LIN52: variants seen among roughly 807,000 people sequenced by gnomAD.
LIN52 encodes the protein lin-52 DREAM MuvB core complex component, also known as protein lin-52 homolog.
Under a neutral mutation model 18.5 loss-of-function variants are expected in LIN52, and 4 were observed. That is an observed-to-expected ratio of 0.22 (90% confidence interval 0.11 to 0.49). LIN52 has a LOEUF of 0.49. Ranked by LOEUF, LIN52 falls within the 20% of genes least tolerant of loss-of-function variation. The pLI is 0.97. For missense variants in LIN52, 102 were observed against 139.5 expected (o/e 0.73, Z 1.35); for synonymous variants, 34 against 45.5 (o/e 0.75, Z 1.02).
intron 5 of LIN52, among the ~76,000 whole-genome samples, chr14:74,132,732 C>G (rs2061075439): frequency 6.6e-6 from 1 of 152,150 alleles, no homozygotes; most frequent in Non-Finnish European, 1.5e-5. Context: ...TGGTCTCGAT[C>G]TTTTGACCTC....
chr14:74,141,700 C>T (rs1169532811), intron 5 of LIN52, among the ~76,000 whole-genome samples: 3 of 152,154 alleles, frequency 2.0e-5, no homozygotes, highest in Non-Finnish European at 4.4e-5. Context: ...TAGTGATATG[C>T]ACCCCACTGT....
At position 74,084,982 on chromosome 14, in the gene LIN52, C is replaced by T. The variant is rs976450184; in HGVS notation, c.8C>T (p.Ser3Phe). Residue 3 changes from serine (S) to phenylalanine (F), a missense_variant, in exon 1 of 6, where the codon TCT (serine) becomes TTT (phenylalanine). By Grantham distance (155) the Ser-to-Phe change is radical. Transcript: ENST00000555028. The part of the protein sequence containing the change: MA[S>F]PTDGTDLEAS... ...CGTGACATGGGTTGGAAGATGGCGTCTCCCACAGACGGTAAGAGCCGGCTT... is the reference window on the plus strand; with the variant it reads ...CGTGACATGGGTTGGAAGATGGCGTTTCCCACAGACGGTAAGAGCCGGCTT... 4.9e-6 allele frequency: 7 copies of T among 1,426,876 alleles called. No individual in the cohort carries two copies. The highest frequency in any genetic ancestry group is 1.9e-4 in the Middle Eastern group (1 of 5,274). The allele number at this position is 1,426,876 out of a possible 1,614,324, so 88.4% of individuals were successfully genotyped here. A position where few individuals can be genotyped will look rare whatever the true frequency, so the allele number is the denominator to read the frequency against.
At chr14:74,156,151 C>T (rs529053208) in intron 5 of LIN52, among the ~76,000 whole-genome samples, 1 of 152,200 alleles carries the variant, frequency 6.6e-6, no homozygotes, top group Admixed American at 6.5e-5. Flanking sequence ...TTGCTTTGTC[C>T]TCCTATTTTA....
intron 5 of LIN52, among the ~76,000 whole-genome samples, chr14:74,109,932 G>C (rs1205050774): frequency 2.0e-5 from 3 of 152,240 alleles, no homozygotes; most frequent in Non-Finnish European, 4.4e-5. Flanking sequence ...CATTCTGACT[G>C]CCTTTAAATT....
intron 5 of LIN52, among the ~76,000 whole-genome samples, chr14:74,188,735 G>A (rs770051083): frequency 6.6e-6 from 1 of 152,168 alleles, no homozygotes; most frequent in Non-Finnish European, 1.5e-5. Context: ...AGACAGGAGT[G>A]AGAGAAATTA....
intron 1 of LIN52, among the ~76,000 whole-genome samples, chr14:74,088,510 A>G (rs998346541): frequency 6.6e-5 from 10 of 152,212 alleles, no homozygotes; most frequent in African/African-American, 2.2e-4. Flanking sequence ...GACATGAGCC[A>G]CTGTACCTGG....
In LIN52 at chr14:74,157,002, T is replaced by G. The variant is rs373741352; in HGVS notation, c.284-41920T>G. On this transcript the variant is annotated intron_variant, in intron 5 of 5. Transcript: ENST00000555028. Reference sequence around the variant, plus strand: ...CATTCTTTTGTATGGCTAAGTAGTATTTCATTATGTATGTATACCATATTT... The same window carrying G: ...CATTCTTTTGTATGGCTAAGTAGTAGTTCATTATGTATGTATACCATATTT... 3.5e-4 allele frequency among the ~76,000 whole-genome samples: 53 copies of G among 152,052 alleles called. No homozygotes were observed. In the East Asian group the frequency reaches 4.8e-3, roughly 14 times the overall value.
At chr14:74,153,171 T>C (rs1231200164) in intron 5 of LIN52, among the ~76,000 whole-genome samples, 1 of 152,152 alleles carries the variant, frequency 6.6e-6, no homozygotes, top group East Asian at 1.9e-4. Context: ...CCAGAGCACA[T>C]GCAGATTGTT....
intron 5 of LIN52, among the ~76,000 whole-genome samples, chr14:74,172,927 CA>C (rs1417135735): frequency 1.3e-5 from 2 of 151,804 alleles, no homozygotes; most frequent in African/African-American, 2.4e-5. Flanking sequence ...ATTGTGAATG[CA>C]AAAAAGTTGA....
chr14:74,123,294 A>T (rs965005416), intron 5 of LIN52, among the ~76,000 whole-genome samples: 4 of 152,222 alleles, frequency 2.6e-5, no homozygotes, highest in African/African-American at 7.2e-5. Flanking sequence ...TTACTGGAGC[A>T]TAAAGGATGG....
chr14:74,192,969 C>T (rs1356873193), intron 5 of LIN52: 1 of 153,614 alleles, frequency 6.5e-6, no homozygotes, highest in Non-Finnish European at 1.4e-5. Flanking sequence ...CTTTCTCATT[C>T]CTTTACTGTG....
chr14:74,182,101 C>G (rs986348882), intron 5 of LIN52, among the ~76,000 whole-genome samples: 3 of 152,212 alleles, frequency 2.0e-5, no homozygotes, highest in Admixed American at 2.0e-4. Context: ...ACTTCTGCCT[C>G]CCAGGCTCAA....
chr14:74,142,449 TG>T (rs1420809401), intron 5 of LIN52, among the ~76,000 whole-genome samples: 1 of 152,198 alleles, frequency 6.6e-6, no homozygotes, highest in East Asian at 1.9e-4. Context: ...ATTAGATTCA[TG>T]GGATGTAGGT....
chr14:74,088,611 G>A (rs924531714), intron 1 of LIN52, among the ~76,000 whole-genome samples: 10 of 152,188 alleles, frequency 6.6e-5, no homozygotes, highest in African/African-American at 2.2e-4. Flanking sequence ...TTAAGGCAAT[G>A]TATTAGTTGA....
At chr14:74,179,582 G>A (rs2061308356) in intron 5 of LIN52, among the ~76,000 whole-genome samples, 1 of 151,504 alleles carries the variant, frequency 6.6e-6, no homozygotes, top group African/African-American at 2.4e-5. Context: ...CTTGAACCCG[G>A]GAGGTGGAGG....
intron 5 of LIN52, among the ~76,000 whole-genome samples, chr14:74,101,672 G>T (rs2060857304): frequency 6.6e-6 from 1 of 152,062 alleles, no homozygotes; most frequent in East Asian, 1.9e-4. Context: ...GTTTTAGCCG[G>T]GATGGTCTCG....
chr14:74,165,513 C>CTTTTTCTTTTTT (rs1555384154), intron 5 of LIN52, among the ~76,000 whole-genome samples: 5 of 110,262 alleles, frequency 4.5e-5, no homozygotes, highest in Non-Finnish European at 7.1e-5. Context: ...GTTTTCTTTT[C>CTTTTTCTTTTTT]TTTTTTTTTT....
chr14:74,095,107 G>A (rs1420405604), intron 2 of LIN52, among the ~76,000 whole-genome samples: 2 of 148,972 alleles, frequency 1.3e-5, no homozygotes, highest in African/African-American at 2.5e-5. Context: ...AGCCTCCTAA[G>A]TAGCTAGGAC....
chr14:74,130,080 A>C (rs1303308869), intron 5 of LIN52, among the ~76,000 whole-genome samples: 7 of 152,010 alleles, frequency 4.6e-5, no homozygotes. Flanking sequence ...TCAGGAGAAC[A>C]GTATGGGAGA....
Sources: gnomAD v4.1 joint callset for allele counts (sites outside exome capture counted in the v4.1 genomes callset) on GRCh38, gnomAD v4.1.1 for gene constraint, MANE v1.5 for transcripts, NCBI Gene and HGNC (gene_info 2026-07-23, HGNC 2026-07-21) for gene names.